Variants in DMD observed in about 807,000 individuals in gnomAD.
DMD encodes mutant dystrophin.
A neutral mutation model predicts 330.1 loss-of-function variants in DMD; 63 were observed. The observed-to-expected ratio is 0.19, with a 90% CI of 0.16 to 0.24. The LOEUF is 0.24. Among genes scored for constraint, DMD ranks in the 10% least tolerant of loss-of-function variants. The probability of loss-of-function intolerance (pLI) is 1.00; values close to 1 mark genes in which losing one functional copy is unlikely to be tolerated. For missense variants in DMD, 3,344 were observed against 2,684.1 expected (o/e 1.25, Z -5.43); for synonymous variants, 1,223 against 959.8 (o/e 1.27, Z -5.07).
intron 53 of DMD, among the ~76,000 whole-genome samples, chrX:31,673,459 G>A (rs1438353544): frequency 6.3e-5 from 7 of 110,342 alleles, no homozygotes; most frequent in African/African-American, 1.7e-4. Flanking sequence ...CTAAAAACAC[G>A]AGAAATAGTT....
chrX:31,424,076 T>C (rs976187703), intron 60 of DMD, among the ~76,000 whole-genome samples: 3 of 110,780 alleles, frequency 2.7e-5, no homozygotes, highest in Non-Finnish European at 5.7e-5. Flanking sequence ...TATGCACAAA[T>C]GGTAAATGCC....
rs768274 is a variant in DMD, at chrX:32,236,205, C to T, written c.6291-19142G>A. On this transcript the variant is annotated intron_variant, in intron 43 of 78. Transcript: ENST00000357033. ...GAAACAAGTCTATTTTAAAGGAATG[C>T]CAATTAGACTGACAACTTACCGTTC... Among the ~76,000 whole-genome samples the T allele has an allele frequency of 7.1e-3, 787 of 111,495 alleles. 10 individuals are homozygous for T. The South Asian group carries it at 0.097, about 14-fold the overall frequency.
intron 44 of DMD, among the ~76,000 whole-genome samples, chrX:32,187,663 T>G (rs940999944): frequency 1.8e-5 from 2 of 111,931 alleles, no homozygotes; most frequent in African/African-American, 3.2e-5. Flanking sequence ...AAAATCCATT[T>G]AATATAAAGC....
In DMD at chrX:31,266,940, A is replaced by C. The variant is rs398124087; in HGVS notation, c.9225-5924T>G. 3.1e-4 allele frequency: 348 copies of C among 1,134,706 alleles called. No homozygotes were observed. The Middle Eastern group carries it at 5.1e-3, about 17-fold the overall frequency. The allele number at this position is 1,134,706 out of a possible 1,213,427, so 93.5% of individuals were successfully genotyped here. On this transcript the variant is annotated intron_variant, in intron 62 of 78. Transcript: ENST00000357033. ...CGCCGCCGCCGCCGCCCAAGCTCAC[A>C]GCTGAAAGCACTGCGGAGGAGCCGG...
At chrX:32,044,898 T>G (rs775269474) in intron 44 of DMD, among the ~76,000 whole-genome samples, 2 of 112,047 alleles carry the variant, frequency 1.8e-5, no homozygotes, top group Non-Finnish European at 3.8e-5. Flanking sequence ...TGCAGGCATG[T>G]TGACATATAA....
intron 57 of DMD, among the ~76,000 whole-genome samples, chrX:31,483,985 G>T (rs1481035212): frequency 2.7e-5 from 3 of 110,506 alleles, no homozygotes; most frequent in African/African-American, 1.0e-4. Flanking sequence ...TAAAACAAAT[G>T]GCTTTATGTA....
At chrX:31,908,407 T>C (rs1398629610) in intron 47 of DMD, among the ~76,000 whole-genome samples, 3 of 111,433 alleles carry the variant, frequency 2.7e-5, no homozygotes, top group African/African-American at 9.8e-5. Context: ...GAGTTGTTTA[T>C]GTCCTTTGAA....
At position 31,178,569 on chromosome X, in the gene DMD, G is replaced by C. The variant is rs1425028306; in HGVS notation, c.10223+100C>G. 2.8e-6 allele frequency: 3 copies of C among 1,083,433 alleles called. No individual in the cohort carries two copies. In the Admixed American group the frequency reaches 8.7e-5, roughly 31 times the overall value. The allele number at this position is 1,083,433 out of a possible 1,213,427, so 89.3% of individuals were successfully genotyped here. A position where few individuals can be genotyped will look rare whatever the true frequency, so the allele number is the denominator to read the frequency against. Reference sequence around the variant, plus strand: ...TAATGTAAATAAAAAGAAAGAAATAGAAGAGACTGTTTGCATTTGGGAGTG... The same window carrying C: ...TAATGTAAATAAAAAGAAAGAAATACAAGAGACTGTTTGCATTTGGGAGTG... On this transcript the variant is annotated intron_variant, in intron 70 of 78. Transcript: ENST00000357033.
rs11304050 is a variant in DMD at position 32,842,814 on chromosome X, A to AT, written c.264+1968dup. 7.0e-3 allele frequency among the ~76,000 whole-genome samples: 734 copies of AT among 104,590 alleles called. 4 individuals carry two copies. Among genetic ancestry groups the AT allele is most frequent in the Middle Eastern group, 0.039 (8 of 206 alleles). 90.8% of individuals were successfully genotyped at this position (104,590 alleles called of 115,157 possible). Reference sequence around the variant, plus strand: ...GCTGTATATGTACCAAATTATTATTATTTTTTTTTTTGATATGGAATCTCG... The same window carrying AT: ...GCTGTATATGTACCAAATTATTATTATTTTTTTTTTTTGATATGGAATCTCG... On this transcript the variant is annotated intron_variant, in intron 4 of 78. Coordinates refer to ENST00000357033, the MANE Select transcript of DMD (RefSeq NM_004006.3).
chrX:31,785,162 T>C (rs1364471463), intron 50 of DMD, among the ~76,000 whole-genome samples: 2 of 112,369 alleles, frequency 1.8e-5, no homozygotes, highest in Admixed American at 9.4e-5. Flanking sequence ...GAAGACATTA[T>C]GCTAAGTGAA....
At chrX:33,040,685 A>G (rs2094285863) in intron 1 of DMD, among the ~76,000 whole-genome samples, 1 of 111,253 alleles carries the variant, frequency 9.0e-6, no homozygotes, top group South Asian at 3.8e-4. Flanking sequence ...CAAACCCCAT[A>G]CTAGCAGTAT....
chrX:33,174,380 T>C (rs1336493805), intron 1 of DMD, among the ~76,000 whole-genome samples: 1 of 111,720 alleles, frequency 9.0e-6, no homozygotes, highest in Non-Finnish European at 1.9e-5. Flanking sequence ...TAAATGTTGC[T>C]GTGGATTTCT....
intron 1 of DMD, among the ~76,000 whole-genome samples, chrX:33,328,280 T>G (rs769915763): frequency 9.0e-6 from 1 of 111,438 alleles, no homozygotes; most frequent in Non-Finnish European, 1.9e-5. Flanking sequence ...CTTGACTCAT[T>G]GCAACCTCAG....
chrX:32,686,951 A>C (rs1280139196), intron 9 of DMD, among the ~76,000 whole-genome samples: 1 of 111,856 alleles, frequency 8.9e-6, no homozygotes, highest in Non-Finnish European at 1.9e-5. Flanking sequence ...TCTTAGGTAC[A>C]TGACTTAGCA....
At chrX:33,313,627 T>C (rs1336795436) in intron 1 of DMD, among the ~76,000 whole-genome samples, 1 of 110,297 alleles carries the variant, frequency 9.1e-6, no homozygotes, top group Non-Finnish European at 1.9e-5. Flanking sequence ...TTCAGTCCTA[T>C]ACAGTGCTAC....
At chrX:32,836,506 C>G (rs2079644479) in intron 4 of DMD, among the ~76,000 whole-genome samples, 1 of 111,178 alleles carries the variant, frequency 9.0e-6, no homozygotes, top group South Asian at 3.7e-4. Flanking sequence ...TTATAAGGAA[C>G]TAGCTGTATA....
intron 7 of DMD, among the ~76,000 whole-genome samples, chrX:32,785,678 CATCTT>C (rs1340153035): frequency 9.0e-6 from 1 of 111,192 alleles, no homozygotes; most frequent in Non-Finnish European, 1.9e-5. Context: ...AAAAATTTCT[CATCTT>C]ATAGTCCCTT....
chrX:32,517,222 A>G (rs1229522208), intron 18 of DMD: 7 of 112,087 alleles, frequency 6.2e-5, no homozygotes, highest in African/African-American at 2.3e-4. Flanking sequence ...TTCATTCATA[A>G]TCACTGCTTC....
intron 2 of DMD, among the ~76,000 whole-genome samples, chrX:33,010,930 C>A (rs1347021135): frequency 2.7e-5 from 3 of 111,362 alleles, no homozygotes; most frequent in Non-Finnish European, 1.9e-5. Context: ...CACCCTAGAC[C>A]TATGGAATTA....
Sources: allele counts gnomAD v4.1 joint callset (sites outside exome capture counted in the v4.1 genomes callset), GRCh38; gene constraint gnomAD v4.1.1; transcripts MANE v1.5; gene names NCBI Gene and HGNC (gene_info 2026-07-23, HGNC 2026-07-21).